The following COL25A1 variants were observed in gnomAD, a reference collection of about 807,000 sequenced individuals.
COL25A1 encodes collagen alpha-1(XXV) chain.
A neutral mutation model predicts 128.4 loss-of-function variants in COL25A1; 103 were observed. The observed-to-expected ratio is 0.80, with a 90% CI of 0.68 to 0.94. The LOEUF (loss-of-function observed/expected upper bound fraction) is 0.94. Among genes scored for constraint, COL25A1 ranks in the 40% least tolerant of loss-of-function variants. COL25A1 has a pLI of 0.00. For missense variants in COL25A1, 745 were observed against 840.0 expected (o/e 0.89, Z 1.40); for synonymous variants, 279 against 277.2 (o/e 1.01, Z -0.06).
intron 3 of COL25A1, among the ~76,000 whole-genome samples, chr4:109,160,361 CA>C (rs1772444995): frequency 6.6e-6 from 1 of 152,012 alleles, no homozygotes; most frequent in African/African-American, 2.4e-5. Flanking sequence ...AAAATGAAAA[CA>C]ATCAAAAATT....
chr4:109,165,856 G>A lies in COL25A1; in HGVS notation c.368-115677C>T, dbSNP rs75036028. 7.6e-3 allele frequency among the ~76,000 whole-genome samples: 1,160 copies of A among 152,272 alleles called. 59 individuals carry two copies. The South Asian group carries it at 0.14, about 18-fold the overall frequency. ...TAATTTTAAAATTGCATTAAGTACA[G>A]TTTCTAACTAGAAGAAGGCTTGTAC... On this transcript the variant is annotated intron_variant, in intron 3 of 37. Coordinates refer to ENST00000399132, the MANE Select transcript of COL25A1 (RefSeq NM_198721.4).
intron 3 of COL25A1, among the ~76,000 whole-genome samples, chr4:109,092,223 C>T (rs1764977478): frequency 6.6e-6 from 1 of 152,200 alleles, no homozygotes; most frequent in South Asian, 2.1e-4. Context: ...AATCTGTAAT[C>T]TCAGCACTTT....
chr4:109,284,120 T>C (rs1036121845), intron 3 of COL25A1, among the ~76,000 whole-genome samples: 1 of 152,206 alleles, frequency 6.6e-6, no homozygotes, highest in Admixed American at 6.5e-5. Context: ...TTACAACATT[T>C]GTTAACAATA....
At chr4:108,976,132 TTCAA>T (rs1752415056) in intron 6 of COL25A1, among the ~76,000 whole-genome samples, 1 of 152,172 alleles carries the variant, frequency 6.6e-6, no homozygotes, top group Non-Finnish European at 1.5e-5. Flanking sequence ...CTTTGCCTAC[TTCAA>T]TGTCATAAAG....
chr4:108,852,804 C>A, intron 25 of COL25A1, 98 bp downstream of exon 25: 5 of 847,278 alleles, frequency 5.9e-6, no homozygotes, highest in South Asian at 1.7e-5. Context: ...AATTAAGTAT[C>A]AGATAAAAAC....
At chr4:109,153,942 A>AG (rs1376802133) in intron 3 of COL25A1, among the ~76,000 whole-genome samples, 3 of 152,174 alleles carry the variant, frequency 2.0e-5, no homozygotes, top group Non-Finnish European at 4.4e-5. Flanking sequence ...ACAGGGTTTG[A>AG]GGGGGGTCTG....
intron 3 of COL25A1, among the ~76,000 whole-genome samples, chr4:109,216,247 G>A (rs1201586807): frequency 6.7e-6 from 1 of 150,242 alleles, no homozygotes; most frequent in Non-Finnish European, 1.5e-5. Context: ...TGTAATGGAT[G>A]GATAGGAAGG....
intron 3 of COL25A1, among the ~76,000 whole-genome samples, chr4:109,186,999 C>A (rs1775199617): frequency 6.6e-6 from 1 of 152,114 alleles, no homozygotes; most frequent in Admixed American, 6.5e-5. Context: ...ATCATTGTTA[C>A]AGGGAACAAC....
chr4:109,054,929 G>C (rs921124099), intron 3 of COL25A1, among the ~76,000 whole-genome samples: 1 of 152,140 alleles, frequency 6.6e-6, no homozygotes, highest in Non-Finnish European at 1.5e-5. Context: ...GCTGGCTCTT[G>C]GGAGGGAGGA....
chr4:108,885,320 T>C (rs1263458048), intron 18 of COL25A1, among the ~76,000 whole-genome samples: 2 of 152,306 alleles, frequency 1.3e-5, no homozygotes, highest in Admixed American at 1.3e-4. Flanking sequence ...TCTGGTGTTA[T>C]CACAAAGTGA....
At chr4:108,974,232 A>G in intron 8 of COL25A1, 135 bp downstream of exon 8, 5 of 811,846 alleles carry the variant, frequency 6.2e-6, no homozygotes, top group Non-Finnish European at 1.0e-5. Context: ...TTTCACTTAC[A>G]AGTGGTATGG....
intron 3 of COL25A1, among the ~76,000 whole-genome samples, chr4:109,283,824 C>T (rs1193134041): frequency 6.6e-6 from 1 of 152,204 alleles, no homozygotes; most frequent in Non-Finnish European, 1.5e-5. Flanking sequence ...TCTTTACTAA[C>T]CTTAGACTAT....
intron 19 of COL25A1, among the ~76,000 whole-genome samples, chr4:108,877,199 A>G (rs1296771257): frequency 1.3e-5 from 2 of 152,232 alleles, no homozygotes; most frequent in Non-Finnish European, 2.9e-5. Context: ...ACTATAGCTG[A>G]AATCAGAGGT....
intron 3 of COL25A1, among the ~76,000 whole-genome samples, chr4:109,279,383 T>C (rs1578624388): frequency 6.6e-6 from 1 of 152,122 alleles, no homozygotes; most frequent in South Asian, 2.1e-4. Flanking sequence ...GTTGAGACCA[T>C]CCTGGGCAAA....
chr4:109,005,366 C>T (rs1375796948), intron 6 of COL25A1, among the ~76,000 whole-genome samples: 1 of 152,130 alleles, frequency 6.6e-6, no homozygotes, highest in African/African-American at 2.4e-5. Flanking sequence ...GCCACACCTC[C>T]AACATTGGGA....
At chr4:108,826,716 G>A (rs113791321) in intron 33 of COL25A1, among the ~76,000 whole-genome samples, 7 of 152,266 alleles carry the variant, frequency 4.6e-5, no homozygotes, top group Admixed American at 2.0e-4. Flanking sequence ...TTAGTAAATA[G>A]TCTATAGGAA....
chr4:109,213,462 G>A (rs547971137), intron 3 of COL25A1, among the ~76,000 whole-genome samples: 99 of 152,180 alleles, frequency 6.5e-4, no homozygotes, highest in African/African-American at 1.9e-3. Flanking sequence ...CTGTCTTTTC[G>A]TGATACTTGT....
intron 3 of COL25A1, among the ~76,000 whole-genome samples, chr4:109,298,159 T>C (rs1331976766): frequency 6.6e-6 from 1 of 152,106 alleles, no homozygotes; most frequent in Non-Finnish European, 1.5e-5. Flanking sequence ...TCAGGGTCAT[T>C]GTGAAAATTA....
At chr4:109,064,151 T>C (rs1311413922) in intron 3 of COL25A1, among the ~76,000 whole-genome samples, 1 of 152,176 alleles carries the variant, frequency 6.6e-6, no homozygotes, top group Non-Finnish European at 1.5e-5. Flanking sequence ...TTACATATAT[T>C]GGATAGATTA....
Sources: gnomAD v4.1 joint callset for allele counts (sites outside exome capture counted in the v4.1 genomes callset) on GRCh38, gnomAD v4.1.1 for gene constraint, MANE v1.5 for transcripts, NCBI Gene and HGNC (gene_info 2026-07-23, HGNC 2026-07-21) for gene names.